The following ZNF407 variants were observed in gnomAD, a reference collection of about 807,000 sequenced individuals.
ZNF407 encodes the protein zinc finger protein 407.
In ZNF407, 17 loss-of-function variants were observed where a neutral mutation model predicts 131.2. The observed-to-expected ratio is 0.13, with a 90% CI of 0.09 to 0.19. The LOEUF is 0.19. ZNF407 is among the 10% of genes least tolerant of loss of function. The pLI, the probability that ZNF407 is intolerant of heterozygous loss-of-function variation, is 1.00. For synonymous variants in ZNF407, 1,156 were observed against 1,062.0 expected (o/e 1.09, Z -1.72); for missense variants, 2,681 against 2,830.6 (o/e 0.95, Z 1.20).
chr18:74,707,193 C>T (rs370998942), intron 3 of ZNF407, among the ~76,000 whole-genome samples: 5 of 152,112 alleles, frequency 3.3e-5, no homozygotes, highest in African/African-American at 7.2e-5. Flanking sequence ...TCAAGTGATC[C>T]GCCCACGTCG....
intron 8 of ZNF407, among the ~76,000 whole-genome samples, chr18:75,049,022 G>A (rs1973466474): frequency 7.3e-6 from 1 of 137,844 alleles, no homozygotes; most frequent in Non-Finnish European, 1.5e-5. Context: ...TCCTTGACAG[G>A]AAATCTGAGT....
intron 3 of ZNF407, among the ~76,000 whole-genome samples, chr18:74,737,584 T>C (rs1299766111): frequency 6.6e-6 from 1 of 152,226 alleles, no homozygotes; most frequent in Non-Finnish European, 1.5e-5. Flanking sequence ...CAAAGGACCA[T>C]GAGTGTGTGT....
chr18:74,660,243 A>C (rs746202399), intron 3 of ZNF407, among the ~76,000 whole-genome samples: 1 of 152,142 alleles, frequency 6.6e-6, no homozygotes, highest in Non-Finnish European at 1.5e-5. Context: ...GGGTAAACAT[A>C]GATTTTTTTT....
intron 8 of ZNF407, among the ~76,000 whole-genome samples, chr18:75,024,293 G>A (rs925402723): frequency 6.6e-6 from 1 of 152,094 alleles, no homozygotes; most frequent in Non-Finnish European, 1.5e-5. Context: ...TAACTTACTC[G>A]CAGATACTGT....
At chr18:75,005,758 A>G (rs1972902577) in intron 8 of ZNF407, among the ~76,000 whole-genome samples, 2 of 123,696 alleles carry the variant, frequency 1.6e-5, no homozygotes, top group Non-Finnish European at 3.2e-5. Flanking sequence ...TACACACTCT[A>G]AGTGAGTATC....
At chr18:74,885,799 G>A (rs1377425546) in intron 6 of ZNF407, among the ~76,000 whole-genome samples, 2 of 152,048 alleles carry the variant, frequency 1.3e-5, no homozygotes, top group East Asian at 1.9e-4. Context: ...ACTTTGTACC[G>A]TATACAAAAA....
chr18:74,896,331 T>G (rs1475939599), intron 7 of ZNF407, among the ~76,000 whole-genome samples: 2 of 152,366 alleles, frequency 1.3e-5, no homozygotes, highest in East Asian at 3.9e-4. Flanking sequence ...CTATATGTCT[T>G]TATATTTTAC....
intron 3 of ZNF407, among the ~76,000 whole-genome samples, chr18:74,674,240 G>C (rs1291944466): frequency 6.6e-6 from 1 of 152,148 alleles, no homozygotes; most frequent in Non-Finnish European, 1.5e-5. Context: ...CCAGTGCTGT[G>C]CTGGAGCTGG....
At chr18:74,881,692 A>G (rs921302572) in intron 6 of ZNF407, among the ~76,000 whole-genome samples, 7 of 152,216 alleles carry the variant, frequency 4.6e-5, no homozygotes, top group Non-Finnish European at 8.8e-5. Flanking sequence ...GAAAACATCA[A>G]ACAGCAACAT....
chr18:75,030,660 G>A (rs968736069), intron 8 of ZNF407, among the ~76,000 whole-genome samples: 4 of 152,214 alleles, frequency 2.6e-5, no homozygotes, highest in Non-Finnish European at 1.5e-5. Context: ...TCGGCTGGAA[G>A]TAGTGGCCAC....
intron 3 of ZNF407, among the ~76,000 whole-genome samples, chr18:74,770,786 T>G (rs2144999996): frequency 6.6e-6 from 1 of 152,270 alleles, no homozygotes; most frequent in Admixed American, 6.5e-5. Context: ...CTCAGATTCT[T>G]GAACATTTAT....
chr18:74,854,425 T>G (rs1302098694), intron 4 of ZNF407, among the ~76,000 whole-genome samples: 1 of 152,232 alleles, frequency 6.6e-6, no homozygotes, highest in Non-Finnish European at 1.5e-5. Context: ...ATACTTTTGC[T>G]GTAACAAGTA....
In ZNF407 at chr18:74,813,720, T is replaced by G. The variant is rs142271089; in HGVS notation, c.4877+32218T>G. ...AGCTCCAAGGGCCCCTTTGTCCGCC[T>G]CCTCCTCTAATTCGTCTTGTTCTGG... On this transcript the variant is annotated intron_variant, in intron 4 of 8. Coordinates refer to ENST00000299687, the MANE Select transcript of ZNF407 (RefSeq NM_017757.3). 9.7e-3 allele frequency among the ~76,000 whole-genome samples: 1,479 copies of G among 152,264 alleles called. 26 individuals carry two copies. Among genetic ancestry groups the G allele is most frequent in the African/African-American group, 0.033 (1,357 of 41,520 alleles).
intron 7 of ZNF407, among the ~76,000 whole-genome samples, chr18:74,896,299 C>G (rs1398071993): frequency 6.6e-6 from 1 of 151,836 alleles, no homozygotes; most frequent in Non-Finnish European, 1.5e-5. Flanking sequence ...AACACGTTTC[C>G]ATTATGTCAT....
At chr18:74,980,969 G>T (rs1158220455) in intron 8 of ZNF407, among the ~76,000 whole-genome samples, 1 of 152,062 alleles carries the variant, frequency 6.6e-6, no homozygotes, top group Non-Finnish European at 1.5e-5. Context: ...GTGATTTCAG[G>T]GTATCACATC....
At position 75,064,733 on chromosome 18, in the gene ZNF407, G is replaced by A. The variant is rs918686576; in HGVS notation, c.*265G>A. ...CCGCACAGGGAGCTCCGGTCCACTG[G>A]GGGCCCTTCGATCAGTGGCCTCCCG... On this transcript the variant is annotated 3_prime_UTR_variant, in exon 9 of 9. Coordinates refer to ENST00000299687, the MANE Select transcript of ZNF407 (RefSeq NM_017757.3). 1.3e-5 allele frequency: 5 copies of A among 384,088 alleles called. No individual in the cohort carries two copies. Among genetic ancestry groups the A allele is most frequent in the African/African-American group, 2.0e-5 (1 of 49,582 alleles). The allele number at this position is 384,088 out of a possible 1,614,324, so 23.8% of individuals were successfully genotyped here. A position where few individuals can be genotyped will look rare whatever the true frequency, so the allele number is the denominator to read the frequency against.
chr18:74,759,857 T>C (rs1275829451), intron 3 of ZNF407, among the ~76,000 whole-genome samples: 2 of 151,630 alleles, frequency 1.3e-5, no homozygotes, highest in Non-Finnish European at 2.9e-5. Flanking sequence ...TGTTTTTGTC[T>C]AGCAGTCTTA....
chr18:74,973,513 C>T (rs1568287967), intron 8 of ZNF407, among the ~76,000 whole-genome samples: 1 of 152,178 alleles, frequency 6.6e-6, no homozygotes, highest in Non-Finnish European at 1.5e-5. Context: ...GAGGCGATTA[C>T]AACAAACATC....
intron 4 of ZNF407, among the ~76,000 whole-genome samples, chr18:74,846,190 T>C (rs1469715392): frequency 6.6e-6 from 1 of 152,188 alleles, no homozygotes; most frequent in East Asian, 1.9e-4. Flanking sequence ...ATTAAGAATA[T>C]GGTCACAGAA....
Sources: gnomAD v4.1 joint callset for allele counts (sites outside exome capture counted in the v4.1 genomes callset) on GRCh38, gnomAD v4.1.1 for gene constraint, MANE v1.5 for transcripts, NCBI Gene and HGNC (gene_info 2026-07-23, HGNC 2026-07-21) for gene names.